ATP10B: variants seen among roughly 807,000 people sequenced by gnomAD.
The protein encoded by ATP10B is ATPase phospholipid transporting 10B (putative).
In ATP10B, 122 loss-of-function variants were observed where a neutral mutation model predicts 141.2. The ratio of observed to expected loss-of-function variants is 0.86; its 90% CI spans 0.75 to 1.00. The LOEUF is 1.00. Ranked by LOEUF, ATP10B falls within the 50% of genes least tolerant of loss-of-function variation. The pLI, the probability that ATP10B is intolerant of heterozygous loss-of-function variation, is 0.00. For missense variants in ATP10B, 1,876 were observed against 1,825.3 expected (o/e 1.03, Z -0.51); for synonymous variants, 685 against 692.0 (o/e 0.99, Z 0.16).
intron 1 of ATP10B, among the ~76,000 whole-genome samples, chr5:160,825,715 A>T (rs1364860330): frequency 1.3e-5 from 2 of 152,154 alleles, no homozygotes; most frequent in Non-Finnish European, 2.9e-5. Context: ...ACGGGGATAC[A>T]TGTGCAGGTT....
At chr5:160,789,066 G>A (rs773195244) in intron 1 of ATP10B, among the ~76,000 whole-genome samples, 1 of 152,096 alleles carries the variant, frequency 6.6e-6, no homozygotes, top group Non-Finnish European at 1.5e-5. Flanking sequence ...TTGGCCCCTT[G>A]ATATTTATGT....
chr5:160,921,507 C>T, the ATP10B span, among the ~76,000 whole-genome samples: 3 of 152,186 alleles, frequency 2.0e-5, no homozygotes, highest in Admixed American at 6.5e-5. Context: ...ATAAATAGGG[C>T]TAGTTAATCT....
intron 2 of ATP10B, among the ~76,000 whole-genome samples, chr5:160,720,789 G>A (rs138248333): frequency 9.2e-5 from 14 of 152,276 alleles, no homozygotes; most frequent in Non-Finnish European, 1.5e-4. Context: ...CTTAGTTTTT[G>A]AAAGAGAAAT....
chr5:160,611,353 T>C (rs1401601530), intron 18 of ATP10B, among the ~76,000 whole-genome samples: 3 of 152,124 alleles, frequency 2.0e-5, no homozygotes, highest in Non-Finnish European at 4.4e-5. Context: ...GCAGATGTTC[T>C]CCTTCTAGAA....
chr5:160,680,281 T>C (rs1763291604), intron 6 of ATP10B, among the ~76,000 whole-genome samples: 1 of 151,378 alleles, frequency 6.6e-6, no homozygotes, highest in Non-Finnish European at 1.5e-5. Flanking sequence ...AGATGTAATT[T>C]CTTATGTTGC....
the ATP10B span, among the ~76,000 whole-genome samples, chr5:160,896,816 C>T: frequency 5.9e-5 from 9 of 152,114 alleles, no homozygotes; most frequent in Non-Finnish European, 1.2e-4. Context: ...AAACTGAATC[C>T]AGCAGCACAT....
chr5:160,759,649 T>A (rs1013869750), intron 2 of ATP10B, among the ~76,000 whole-genome samples: 1 of 152,216 alleles, frequency 6.6e-6, no homozygotes, highest in Non-Finnish European at 1.5e-5. Flanking sequence ...GTATAGGAAC[T>A]GTCAATATGT....
intron 22 of ATP10B, among the ~76,000 whole-genome samples, chr5:160,597,141 AC>A (rs1464858370): frequency 6.6e-6 from 1 of 152,228 alleles, no homozygotes; most frequent in Non-Finnish European, 1.5e-5. Context: ...CTGACCTCAA[AC>A]TATACTACAA....
chr5:160,658,733 T>C, intron 7 of ATP10B, among the ~76,000 whole-genome samples: 1 of 152,322 alleles, frequency 6.6e-6, no homozygotes, highest in East Asian at 1.9e-4. Context: ...TGGTACCACG[T>C]TTCATTCCAC....
intron 1 of ATP10B, among the ~76,000 whole-genome samples, chr5:160,830,508 T>C (rs1307632017): frequency 1.3e-5 from 2 of 152,112 alleles, no homozygotes; most frequent in African/African-American, 2.4e-5. Flanking sequence ...TAAAAACCAA[T>C]GCTTTGCTTT....
chr5:160,583,863 G>T (rs1304405003), intron 24 of ATP10B, among the ~76,000 whole-genome samples: 4 of 152,128 alleles, frequency 2.6e-5, no homozygotes, highest in African/African-American at 9.7e-5. Context: ...CTCAGTAATG[G>T]TGGACACCCC....
chr5:160,690,888 T>C (rs2127750271), intron 3 of ATP10B, among the ~76,000 whole-genome samples: 1 of 152,296 alleles, frequency 6.6e-6, no homozygotes, highest in African/African-American at 2.4e-5. Context: ...ATCATTCTTC[T>C]ACAAAGACAC....
chr5:160,677,640 T>C (rs1763113960), intron 6 of ATP10B, among the ~76,000 whole-genome samples: 1 of 152,236 alleles, frequency 6.6e-6, no homozygotes, highest in African/African-American at 2.4e-5. Flanking sequence ...CTTCTGCCTA[T>C]CAAGGCTACC....
chr5:160,866,268 A>T, the ATP10B span, among the ~76,000 whole-genome samples: 1 of 152,168 alleles, frequency 6.6e-6, no homozygotes, highest in Non-Finnish European at 1.5e-5. Context: ...AGCAACTTAG[A>T]TGGAGCTGGA....
the ATP10B span, among the ~76,000 whole-genome samples, chr5:160,901,321 G>A: frequency 6.6e-6 from 1 of 152,088 alleles, no homozygotes; most frequent in Non-Finnish European, 1.5e-5. Context: ...AAACTTTAAA[G>A]TTTCTTACAC....
intron 2 of ATP10B, among the ~76,000 whole-genome samples, chr5:160,748,160 GCTTT>G (rs946282323): frequency 6.6e-6 from 1 of 151,766 alleles, no homozygotes; most frequent in African/African-American, 2.4e-5. Context: ...CTGCAGTACC[GCTTT>G]TGGAAGCTGC....
At chr5:160,845,131 A>T (rs1390424968) in intron 1 of ATP10B, among the ~76,000 whole-genome samples, 1 of 152,214 alleles carries the variant, frequency 6.6e-6, no homozygotes, top group African/African-American at 2.4e-5. Flanking sequence ...TCTAATGTTG[A>T]AACTGAACTA....
At chr5:160,862,704 A>T in the ATP10B span, among the ~76,000 whole-genome samples, 1 of 151,958 alleles carries the variant, frequency 6.6e-6, no homozygotes, top group Non-Finnish European at 1.5e-5. Context: ...GCAGCTCTTA[A>T]TCTTGATCCT....
At chr5:160,616,789 T>C (rs1758046152) in intron 16 of ATP10B, among the ~76,000 whole-genome samples, 1 of 152,248 alleles carries the variant, frequency 6.6e-6, no homozygotes, top group African/African-American at 2.4e-5. Context: ...GAGGAATGCA[T>C]AGTCCATTAG....
Sources: allele counts gnomAD v4.1 joint callset (sites outside exome capture counted in the v4.1 genomes callset), GRCh38; gene constraint gnomAD v4.1.1; transcripts MANE v1.5; gene names NCBI Gene and HGNC (gene_info 2026-07-23, HGNC 2026-07-21).